COL4A1: variants seen among roughly 807,000 people sequenced by gnomAD.
The protein encoded by COL4A1 is collagen alpha-1(IV) chain.
In COL4A1, 40 loss-of-function variants were observed where a neutral mutation model predicts 216.6. The ratio of observed to expected loss-of-function variants is 0.18; its 90% confidence interval spans 0.14 to 0.24. The LOEUF (loss-of-function observed/expected upper bound fraction) is 0.24. Ranked by LOEUF, COL4A1 falls within the 10% of genes least tolerant of loss-of-function variation. The pLI, the probability that COL4A1 is intolerant of heterozygous loss-of-function variation, is 1.00. For synonymous variants in COL4A1, 839 were observed against 810.7 expected (o/e 1.03, Z -0.59); for missense variants, 1,628 against 2,196.8 (o/e 0.74, Z 5.18).
intron 1 of COL4A1, among the ~76,000 whole-genome samples, chr13:110,250,361 C>G (rs1258697658): frequency 6.6e-6 from 1 of 152,110 alleles, no homozygotes; most frequent in Non-Finnish European, 1.5e-5. Flanking sequence ...CAGAAAGGCT[C>G]CCAAGAAACC....
At chr13:110,306,635 C>T (rs572033450) in intron 1 of COL4A1, among the ~76,000 whole-genome samples, 25 of 152,332 alleles carry the variant, frequency 1.6e-4, no homozygotes, top group Admixed American at 7.2e-4. Context: ...ATACCCGCGA[C>T]GCGGGTTCAA....
chr13:110,305,889 G>C (rs1446459742), intron 1 of COL4A1: 1 of 152,140 alleles, frequency 6.6e-6, no homozygotes, highest in Non-Finnish European at 1.5e-5. Context: ...TTTTTTTAAA[G>C]AGGAAAACAA....
Position 110,268,633 on chromosome 13 carries a change from G to T in COL4A1, c.85-25899C>A, listed in dbSNP as rs1883131823. 6.6e-6 allele frequency among the ~76,000 whole-genome samples: 1 copy of T among 152,224 alleles called. No homozygotes were observed. Among genetic ancestry groups the T allele is most frequent in the Non-Finnish European group, 1.5e-5 (1 of 68,042 alleles). ...AATGCTGGCCGTGCCACTGTGCTCTGCTGGCCATTGGCTGCATGGCTTGCC... is the reference window on the plus strand; with the variant it reads ...AATGCTGGCCGTGCCACTGTGCTCTTCTGGCCATTGGCTGCATGGCTTGCC... On this transcript the variant is annotated intron_variant, in intron 1 of 51. Transcript: ENST00000375820. The surrounding 1 kb of genome is among the most constrained non-coding windows in gnomAD (Gnocchi z 4.1).
chr13:110,163,724 G>A (rs1046449567), intron 46 of COL4A1, among the ~76,000 whole-genome samples, 163 bp from the exon 47 acceptor site: 4 of 151,930 alleles, frequency 2.6e-5, no homozygotes, highest in South Asian at 2.1e-4. Context: ...CCACAAAGTC[G>A]AGTACAGACT....
chr13:110,206,945 A>T (rs993345764), intron 13 of COL4A1, 54 bp from the exon 14 acceptor site: 1 of 1,572,878 alleles, frequency 6.4e-7, no homozygotes, highest in Non-Finnish European at 8.7e-7. Flanking sequence ...ATCATTTGTT[A>T]TATGCTGCAT....
intron 18 of COL4A1, among the ~76,000 whole-genome samples, chr13:110,202,238 T>TAAA (rs564963734): frequency 3.1e-4 from 38 of 121,114 alleles, no homozygotes; most frequent in African/African-American, 1.1e-3. Context: ...GGAACACTCT[T>TAAA]AAAAAAAAAA....
In COL4A1 at chr13:110,155,410, CAG is replaced by C; in HGVS notation, c.4641-15_4641-14del. On this transcript the variant is annotated splice_polypyrimidine_tract_variant and intron_variant, in intron 49 of 51. Coordinates refer to ENST00000375820, the MANE Select transcript of COL4A1 (RefSeq NM_001845.6). ...ACACACAGCACACCTGGAAGTGGAGCAGAGACACTCAGCACAGCCGGGGTGCA... is the reference window on the plus strand; with the variant it reads ...ACACACAGCACACCTGGAAGTGGAGCAGACACTCAGCACAGCCGGGGTGCA... The C allele has an allele frequency of 6.2e-7, 1 of 1,601,314 alleles. No homozygotes were observed. The highest frequency in any genetic ancestry group is 8.6e-7 in the Non-Finnish European group (1 of 1,168,792).
chr13:110,272,312 G>A (rs671633), intron 1 of COL4A1, among the ~76,000 whole-genome samples: 42,440 of 152,084 alleles, frequency 0.28, 6,568 homozygotes, highest in African/African-American at 0.42. Context: ...CACATAGACC[G>A]TAGATACGTG....
intron 1 of COL4A1, among the ~76,000 whole-genome samples, chr13:110,273,470 T>C (rs1883318476): frequency 6.6e-6 from 1 of 152,202 alleles, no homozygotes; most frequent in Non-Finnish European, 1.5e-5. Context: ...GTCGTCTCTA[T>C]ATATCTCACC....
Position 110,217,677 on chromosome 13 carries a change from C to CA in COL4A1, c.145-3663dup, listed in dbSNP as rs563865268. On this transcript the variant is annotated intron_variant, in intron 2 of 51. Transcript: ENST00000375820. ...CATCAGTGCAATGCAGAGCACTGAT[C>CA]AAAAAAGGAAAATCATACGCCAAAG... Among the ~76,000 whole-genome samples, 331 of 152,182 alleles carry CA rather than the reference C, an allele frequency of 2.2e-3. 1 individual carries two copies. In the South Asian group the frequency reaches 0.025, roughly 11 times the overall value.
At chr13:110,163,253 C>T (rs1163040216) in intron 47 of COL4A1, among the ~76,000 whole-genome samples, 4 of 152,222 alleles carry the variant, frequency 2.6e-5, no homozygotes, top group African/African-American at 7.2e-5. Context: ...GGGAAACGTA[C>T]ACTTTGATCA....
intron 2 of COL4A1, among the ~76,000 whole-genome samples, chr13:110,240,322 G>T (rs1282449497): frequency 6.6e-6 from 1 of 152,224 alleles, no homozygotes; most frequent in South Asian, 2.1e-4. Flanking sequence ...CCCTGGCCTA[G>T]GTCCCTTGGT....
intron 13 of COL4A1, 75 bp from the exon 14 acceptor site, chr13:110,206,966 G>GA: frequency 3.6e-6 from 5 of 1,382,244 alleles, no homozygotes; most frequent in East Asian, 4.6e-5. Flanking sequence ...TAAACACACA[G>GA]CAGAAAAAAA....
intron 1 of COL4A1, among the ~76,000 whole-genome samples, chr13:110,286,232 C>CA (rs1321552115): frequency 1.3e-5 from 2 of 152,242 alleles, no homozygotes; most frequent in Non-Finnish European, 2.9e-5. Context: ...CAGTGGGACT[C>CA]AGCCACTTGA....
chr13:110,295,832 T>C (rs1279202343), intron 1 of COL4A1, among the ~76,000 whole-genome samples: 4 of 152,228 alleles, frequency 2.6e-5, no homozygotes, highest in Admixed American at 2.6e-4. Flanking sequence ...AGAGACATTT[T>C]CTACCATGGA....
chr13:110,220,605 C>T (rs925675442), intron 2 of COL4A1, among the ~76,000 whole-genome samples: 4 of 152,176 alleles, frequency 2.6e-5, no homozygotes, highest in African/African-American at 7.2e-5. Context: ...TAGGAGACTT[C>T]GGGACTTGTC....
Position 110,187,254 on chromosome 13 carries a change from G to T in COL4A1, c.1612C>A (p.Arg538=), listed in dbSNP as rs397514624. 3.1e-6 allele frequency: 5 copies of T among 1,613,736 alleles called. No homozygotes were observed. Among genetic ancestry groups the T allele is most frequent in the Non-Finnish European group, 3.4e-6 (4 of 1,179,886 alleles). Reference sequence around the variant, plus strand: ...GGGTCTCCTTTGTCACCTTTGAGCCGCAAGTCGAAATAAAACTCACCAGGC... The same window carrying T: ...GGGTCTCCTTTGTCACCTTTGAGCCTCAAGTCGAAATAAAACTCACCAGGC... ...GEPGEFYFDL[R]LKGDKGDPGF... is the part of the protein sequence containing the mutation. Residue 538 remains arginine (R), a synonymous_variant, in exon 25 of 52, where the codon CGG becomes AGG. Transcript: ENST00000375820.
chr13:110,173,485 G>A (rs950332926), intron 40 of COL4A1, among the ~76,000 whole-genome samples: 1 of 152,048 alleles, frequency 6.6e-6, no homozygotes. Context: ...CCAGTGACAG[G>A]AGCAGACTCA....
chr13:110,222,378 A>C (rs1880528067), intron 2 of COL4A1, among the ~76,000 whole-genome samples: 1 of 152,158 alleles, frequency 6.6e-6, no homozygotes, highest in Non-Finnish European at 1.5e-5. Context: ...GGCTTGGGTG[A>C]GGAGTCTCCG....
Sources: allele counts gnomAD v4.1 joint callset (sites outside exome capture counted in the v4.1 genomes callset), GRCh38; gene constraint gnomAD v4.1.1; non-coding constraint Gnocchi (gnomAD v3.1); transcripts MANE v1.5; gene names NCBI Gene and HGNC (gene_info 2026-07-23, HGNC 2026-07-21).